Variants in FBXO30 observed in about 807,000 individuals in gnomAD.
FBXO30 encodes F-box only protein 30.
FBXO30 carries 21 observed loss-of-function variants against 58.1 expected under a neutral mutation model. The observed-to-expected ratio is 0.36, with a 90% CI of 0.26 to 0.52. The LOEUF (loss-of-function observed/expected upper bound fraction) is 0.52, where lower values mean the gene tolerates loss of function less well. FBXO30 is among the 20% of genes least tolerant of loss of function. The probability of loss-of-function intolerance (pLI) is 0.93; values close to 1 mark genes in which losing one functional copy is unlikely to be tolerated. For missense variants in FBXO30, 744 were observed against 897.3 expected, an observed-to-expected ratio of 0.83 and a Z score of 2.18; for synonymous variants, 309 against 312.4, an observed-to-expected ratio of 0.99 and a Z score of 0.11.
In FBXO30 at chr6:145,799,834, A is replaced by G. The variant is rs1777942433; in HGVS notation, c.*272T>C. ...CAAAAATTTAAGAACCAAAATATGC[A>G]CACCACTGAAAATACTAATTCTTAA... is the stretch of plus-strand genomic sequence containing the variant. On this transcript the variant is annotated 3_prime_UTR_variant, in exon 3 of 3. Transcript: ENST00000237281. The G allele has an allele frequency of 4.8e-6, 1 of 207,748 alleles. No homozygotes were observed. Among genetic ancestry groups the G allele is most frequent in the Admixed American group, 5.8e-5 (1 of 17,146 alleles). 12.9% of individuals were successfully genotyped at this position (207,748 alleles called of 1,614,324 possible).
Position 145,799,970 on chromosome 6 carries a change from T to C in FBXO30, c.*136A>G. 1 of 662,292 alleles carries C rather than the reference T, an allele frequency of 1.5e-6. No individual in the cohort carries two copies. Among genetic ancestry groups the C allele is most frequent in the East Asian group, 2.9e-5 (1 of 34,006 alleles). The allele number at this position is 662,292 out of a possible 1,614,324, so 41.0% of individuals were successfully genotyped here. ...CTAAACAGTACTTTATAAAAATAGA[T>C]GTCACTTCAAAACATTATATACACA... On this transcript the variant is annotated 3_prime_UTR_variant, in exon 3 of 3. Transcript: ENST00000237281.
intron 1 of FBXO30, among the ~76,000 whole-genome samples, chr6:145,809,259 A>G (rs970019724): frequency 6.6e-5 from 10 of 152,238 alleles, no homozygotes; most frequent in Non-Finnish European, 1.2e-4. Flanking sequence ...GAATTATGAC[A>G]AATCTTACTG....
At chr6:145,814,288 T>G (rs973122048) in intron 1 of FBXO30, among the ~76,000 whole-genome samples, 90 of 152,106 alleles carry the variant, frequency 5.9e-4, no homozygotes, top group African/African-American at 2.0e-3. Flanking sequence ...ACACACAAAC[T>G]GGGGGGGACA....
rs1411800649 is a variant in FBXO30 at position 145,799,442 on chromosome 6, C to T, written c.*664G>A. 8 of 152,138 alleles carry T rather than the reference C, an allele frequency of 5.3e-5. No homozygotes were observed. Among genetic ancestry groups the T allele is most frequent in the African/African-American group, 1.2e-4 (5 of 41,392 alleles). The allele number at this position is 152,138 out of a possible 1,614,324, so 9.4% of individuals were successfully genotyped here. Reference sequence around the variant, plus strand: ...CATATAACACACTGCGATGAGTCTTCGGATGTGGCATCTAACAAAAAAGAA... The same window carrying T: ...CATATAACACACTGCGATGAGTCTTTGGATGTGGCATCTAACAAAAAAGAA... On this transcript the variant is annotated 3_prime_UTR_variant, in exon 3 of 3. Transcript: ENST00000237281.
At position 145,798,101 on chromosome 6, in the gene FBXO30, T is replaced by C. The variant is rs1269486926; in HGVS notation, c.*2005A>G. On this transcript the variant is annotated 3_prime_UTR_variant, in exon 3 of 3. Coordinates refer to ENST00000237281, the MANE Select transcript of FBXO30 (RefSeq NM_032145.5). ...AACAACTACCATAACATGCAGAAAA[T>C]CCACATTACAGAAACAATATGATTG... The C allele has an allele frequency of 6.6e-6, 1 of 151,926 alleles. No homozygotes were observed. The highest frequency in any genetic ancestry group is 2.4e-5 in the African/African-American group (1 of 41,380). 9.4% of individuals were successfully genotyped at this position (151,926 alleles called of 1,614,324 possible).
chr6:145,812,230 C>T (rs1417054957), intron 1 of FBXO30, among the ~76,000 whole-genome samples: 2 of 152,068 alleles, frequency 1.3e-5, no homozygotes, highest in Admixed American at 1.3e-4. Context: ...TATATCAAAA[C>T]ATATATCTTT....
At chr6:145,813,141 T>C (rs2128668775) in intron 1 of FBXO30, among the ~76,000 whole-genome samples, 1 of 152,264 alleles carries the variant, frequency 6.6e-6, no homozygotes, top group East Asian at 1.9e-4. Flanking sequence ...ATTACTTATA[T>C]AATATTGCTT....
In FBXO30 at chr6:145,805,346, T is replaced by C; in HGVS notation, c.1060A>G (p.Ile354Val). Reference protein sequence around the residue: ...SALPNGTVQHILMPDDEGEGE... With the variant: ...SALPNGTVQHVLMPDDEGEGE... ...TCACCTTCATCATCTGGCATGAGGA[T>C]ATGCTGAACTGTGCCATTAGGCAAA... The change falls in exon 2 of 3, where the codon ATC becomes GTC. Residue 354 changes from isoleucine to valine, a missense_variant. Transcript: ENST00000237281. The C allele has an allele frequency of 1.2e-6, 2 of 1,614,102 alleles. No individual in the cohort carries two copies. Among genetic ancestry groups the C allele is most frequent in the Admixed American group, 1.7e-5 (1 of 59,978 alleles).
chr6:145,805,572 A>G lies in FBXO30; in HGVS notation c.834T>C (p.Tyr278=). The G allele has an allele frequency of 1.2e-6, 2 of 1,613,144 alleles. No homozygotes were observed. Among genetic ancestry groups the G allele is most frequent in the Non-Finnish European group, 1.7e-6 (2 of 1,179,642 alleles). Residue 278 remains tyrosine (Y), a synonymous_variant, in exon 2 of 3, where the codon TAT becomes TAC. Transcript: ENST00000237281. ...DLLCDLNTSS[Y]DTSALCNGFP... Reference sequence around the variant, plus strand: ...AGCCATTACAAAGAGCAGAAGTGTCATAAGAACTTGTATTCAAGTCACATA... The same window carrying G: ...AGCCATTACAAAGAGCAGAAGTGTCGTAAGAACTTGTATTCAAGTCACATA...
intron 2 of FBXO30, 82 bp downstream of exon 2, chr6:145,804,290 A>C: frequency 8.0e-7 from 1 of 1,253,550 alleles, no homozygotes; most frequent in Non-Finnish European, 1.1e-6. Flanking sequence ...CAATTTCTCA[A>C]CAAGATATTA....
intron 2 of FBXO30, among the ~76,000 whole-genome samples, chr6:145,801,734 G>T (rs1451645701): frequency 6.6e-6 from 1 of 151,986 alleles, no homozygotes; most frequent in Non-Finnish European, 1.5e-5. Flanking sequence ...GATTTTCCAG[G>T]AGTCAGTGAA....
intron 1 of FBXO30, among the ~76,000 whole-genome samples, chr6:145,813,957 A>C (rs1202464146): frequency 6.6e-6 from 1 of 152,150 alleles, no homozygotes; most frequent in Non-Finnish European, 1.5e-5. Flanking sequence ...GATTACTTTG[A>C]ATTCAGCACG....
In FBXO30 at chr6:145,806,052, T is replaced by C. The variant is rs1778157843; in HGVS notation, c.354A>G (p.Ala118=). ...ENLSRDVDEV[A]QLDMALALQD... is the part of the protein sequence containing the mutation. The stretch of plus-strand genomic sequence containing the variant: ...GAAGAGCCAAGGCCATATCCAATTG[T>C]GCCACTTCATCGACATCTCTGCTTA... Residue 118 remains alanine (A), a synonymous_variant, in exon 2 of 3, where the codon GCA becomes GCG. Coordinates refer to ENST00000237281, the MANE Select transcript of FBXO30 (RefSeq NM_032145.5). 2 of 1,614,126 alleles carry C rather than the reference T, an allele frequency of 1.2e-6. No individual in the cohort carries two copies. Among genetic ancestry groups the C allele is most frequent in the African/African-American group, 2.7e-5 (2 of 75,034 alleles).
At chr6:145,812,469 T>C (rs1408683147) in intron 1 of FBXO30, among the ~76,000 whole-genome samples, 1 of 152,110 alleles carries the variant, frequency 6.6e-6, no homozygotes, top group Non-Finnish European at 1.5e-5. Flanking sequence ...TAACATGACA[T>C]GAGGGAATGG....
chr6:145,798,218 A>G lies in FBXO30; in HGVS notation c.*1888T>C, dbSNP rs1329868114. On this transcript the variant is annotated 3_prime_UTR_variant, in exon 3 of 3. Transcript: ENST00000237281. ...GTTAAGGGAAAACATTAATTTTATT[A>G]GAACTTGAACAAATGTTTCACAAAG... is the stretch of plus-strand genomic sequence containing the variant. 6.6e-6 allele frequency: 1 copy of G among 152,104 alleles called. No homozygotes were observed. Among genetic ancestry groups the G allele is most frequent in the Admixed American group, 6.6e-5 (1 of 15,246 alleles). 9.4% of individuals were successfully genotyped at this position (152,104 alleles called of 1,614,324 possible).
intron 1 of FBXO30, 40 bp downstream of exon 1, chr6:145,814,563 G>A (rs1778445418): frequency 6.6e-6 from 1 of 151,712 alleles, no homozygotes; most frequent in African/African-American, 2.4e-5. Flanking sequence ...GCCGCAGCGC[G>A]GACGGCGCCG....
chr6:145,800,138 A>G lies in FBXO30; in HGVS notation c.2206T>C (p.Ser736Pro). Reference protein sequence around the residue: ...VTRELTKEGRSLRSVLKPVL With the variant: ...VTRELTKEGRPLRSVLKPVL Reference sequence around the variant, plus strand: ...ACAGGTTTTAAAACTGAGCGTAGTGAACGTCCTTCTTTAGTGAGTTCTCGT... The same window carrying G: ...ACAGGTTTTAAAACTGAGCGTAGTGGACGTCCTTCTTTAGTGAGTTCTCGT... Residue 736 changes from serine (S) to proline (P), a missense_variant, in exon 3 of 3, where the codon TCA (serine) becomes CCA (proline). Ser to Pro is a moderately conservative substitution (Grantham distance 74). This residue lies in a region of FBXO30 where 334 missense variants were observed against 433.7 expected (regional missense o/e 0.77). Transcript: ENST00000237281. 1.2e-6 allele frequency: 2 copies of G among 1,612,884 alleles called. No individual in the cohort carries two copies. The highest frequency in any genetic ancestry group is 1.1e-5 in the South Asian group (1 of 91,064).
Position 145,793,961 on chromosome 6 carries a change from CTTTTCT to C in FBXO30, c.*6139_*6144del, listed in dbSNP as rs1777821434. 6.6e-6 allele frequency: 1 copy of C among 151,946 alleles called. No individual in the cohort carries two copies. Among genetic ancestry groups the C allele is most frequent in the Non-Finnish European group, 1.5e-5 (1 of 67,868 alleles). 9.4% of individuals were successfully genotyped at this position (151,946 alleles called of 1,614,324 possible). A position where few individuals can be genotyped will look rare whatever the true frequency, so the allele number is the denominator to read the frequency against. ...TGGTAATGATTGCAAATATCAAATTCTTTTCTTTTTAATTGTAATAAAATACACATC... is the reference window on the plus strand; with the variant it reads ...TGGTAATGATTGCAAATATCAAATTCTTTTAATTGTAATAAAATACACATC... On this transcript the variant is annotated 3_prime_UTR_variant, in exon 3 of 3. Transcript: ENST00000237281.
At chr6:145,814,392 G>A (rs983176409) in intron 1 of FBXO30, among the ~76,000 whole-genome samples, 1 of 152,062 alleles carries the variant, frequency 6.6e-6, no homozygotes, top group Admixed American at 6.5e-5. Context: ...CGCGGCGGAC[G>A]CCCTCTCAGG....
Sources: gnomAD v4.1 joint callset for allele counts (sites outside exome capture counted in the v4.1 genomes callset) on GRCh38, gnomAD v4.1.1 for gene constraint, gnomAD v4.1.1 regional missense constraint, MANE v1.5 for transcripts, NCBI Gene and HGNC (gene_info 2026-07-23, HGNC 2026-07-21) for gene names.